The following CCSER1 variants were observed in gnomAD, a reference collection of about 807,000 sequenced individuals.
The protein encoded by CCSER1 is serine-rich coiled-coil domain-containing protein 1.
In CCSER1, 41 loss-of-function variants were observed where a neutral mutation model predicts 82.0. The ratio of observed to expected loss-of-function variants is 0.50; its 90% CI spans 0.39 to 0.65. The LOEUF is 0.65. Among genes scored for constraint, CCSER1 ranks in the 30% least tolerant of loss-of-function variants. The probability of loss-of-function intolerance (pLI) is 0.00; values close to 1 mark genes in which losing one functional copy is unlikely to be tolerated. For synonymous variants in CCSER1, 414 were observed against 383.9 expected (o/e 1.08, Z -0.92); for missense variants, 1,119 against 1,064.2 (o/e 1.05, Z -0.72).
chr4:90,459,749 T>A (rs1000732847), intron 4 of CCSER1, among the ~76,000 whole-genome samples: 2 of 152,228 alleles, frequency 1.3e-5, no homozygotes, highest in Non-Finnish European at 2.9e-5. Context: ...TAAATGACAC[T>A]TTATTCATAA....
At chr4:91,220,391 T>C (rs990557378) in intron 10 of CCSER1, among the ~76,000 whole-genome samples, 3 of 152,228 alleles carry the variant, frequency 2.0e-5, no homozygotes, top group Non-Finnish European at 2.9e-5. Flanking sequence ...AACAATCATA[T>C]AGTTAATGGA....
chr4:91,187,938 T>C (rs1051407624), intron 10 of CCSER1, among the ~76,000 whole-genome samples: 1 of 152,024 alleles, frequency 6.6e-6, no homozygotes, highest in Non-Finnish European at 1.5e-5. Flanking sequence ...ATGTTTTGAA[T>C]CATGAGAAGT....
intron 5 of CCSER1, among the ~76,000 whole-genome samples, chr4:90,627,668 G>T (rs1022843192): frequency 6.6e-6 from 1 of 151,990 alleles, no homozygotes; most frequent in African/African-American, 2.4e-5. Flanking sequence ...CTACTGGAAT[G>T]TGTGAAAATT....
intron 4 of CCSER1, among the ~76,000 whole-genome samples, chr4:90,437,373 T>C (rs1759181290): frequency 6.6e-6 from 1 of 152,186 alleles, no homozygotes; most frequent in Non-Finnish European, 1.5e-5. Flanking sequence ...GATACATGTT[T>C]TTATCTTTTG....
chr4:90,935,188 C>T (rs1730777490), intron 9 of CCSER1, among the ~76,000 whole-genome samples: 1 of 151,770 alleles, frequency 6.6e-6, no homozygotes, highest in South Asian at 2.1e-4. Context: ...AATTTGATTC[C>T]CAATTGGAGA....
At chr4:91,178,467 A>T (rs1334839424) in intron 10 of CCSER1, among the ~76,000 whole-genome samples, 2 of 152,062 alleles carry the variant, frequency 1.3e-5, no homozygotes, top group African/African-American at 2.4e-5. Flanking sequence ...GTCACTAAGG[A>T]CTTGCTTTAT....
intron 10 of CCSER1, among the ~76,000 whole-genome samples, chr4:91,475,627 A>T (rs893076405): frequency 6.6e-6 from 1 of 151,862 alleles, no homozygotes; most frequent in African/African-American, 2.4e-5. Flanking sequence ...GGAGTCTACT[A>T]CCTCAAACAT....
intron 10 of CCSER1, among the ~76,000 whole-genome samples, chr4:91,506,437 T>G (rs1759491348): frequency 6.6e-6 from 1 of 152,136 alleles, no homozygotes; most frequent in African/African-American, 2.4e-5. Flanking sequence ...TGGGCTATTT[T>G]TTGGTTCCAT....
At chr4:91,138,796 C>G (rs1435201206) in intron 10 of CCSER1, among the ~76,000 whole-genome samples, 1 of 150,852 alleles carries the variant, frequency 6.6e-6, no homozygotes, top group African/African-American at 2.4e-5. Context: ...AGACACTTCT[C>G]AAAAGAAGAC....
intron 1 of CCSER1, among the ~76,000 whole-genome samples, chr4:90,248,753 A>T (rs1560875045): frequency 6.6e-6 from 1 of 150,388 alleles, no homozygotes; most frequent in Non-Finnish European, 1.5e-5. Flanking sequence ...GCTGGAGTGC[A>T]GTGGTGTGAT....
chr4:91,270,402 T>A (rs1560556535), intron 10 of CCSER1, among the ~76,000 whole-genome samples: 1 of 152,188 alleles, frequency 6.6e-6, no homozygotes, highest in Non-Finnish European at 1.5e-5. Flanking sequence ...TAGTAACCAC[T>A]TCCAGAGGAG....
intron 10 of CCSER1, among the ~76,000 whole-genome samples, chr4:91,133,905 C>T (rs1728224336): frequency 6.6e-6 from 1 of 152,092 alleles, no homozygotes; most frequent in African/African-American, 2.4e-5. Flanking sequence ...TCAAGACCAG[C>T]CTGACCAACA....
chr4:90,466,494 A>G (rs770823787), intron 4 of CCSER1, among the ~76,000 whole-genome samples: 1 of 152,216 alleles, frequency 6.6e-6, no homozygotes, highest in Non-Finnish European at 1.5e-5. Flanking sequence ...ACACAGAGAC[A>G]TTAGATAAGA....
intron 10 of CCSER1, among the ~76,000 whole-genome samples, chr4:91,581,453 G>T (rs970034922): frequency 6.6e-6 from 1 of 151,622 alleles, no homozygotes; most frequent in South Asian, 2.1e-4. Context: ...AAGAAAGAGT[G>T]CTTCTTAACA....
chr4:91,267,357 A>T (rs1237007916), intron 10 of CCSER1, among the ~76,000 whole-genome samples: 4 of 152,130 alleles, frequency 2.6e-5, no homozygotes, highest in Non-Finnish European at 5.9e-5. Flanking sequence ...ATTTATCATA[A>T]TTGGCATATC....
intron 10 of CCSER1, among the ~76,000 whole-genome samples, chr4:91,557,327 G>A (rs1252094764): frequency 1.3e-5 from 2 of 151,292 alleles, no homozygotes; most frequent in Non-Finnish European, 3.0e-5. Context: ...TTGACTTAAA[G>A]TTATAAGATA....
At chr4:90,632,195 A>G (rs1299636785) in intron 6 of CCSER1, among the ~76,000 whole-genome samples, 1 of 152,034 alleles carries the variant, frequency 6.6e-6, no homozygotes, top group Admixed American at 6.6e-5. Flanking sequence ...CACATGTTTA[A>G]TATTATTTTG....
intron 10 of CCSER1, among the ~76,000 whole-genome samples, chr4:91,207,672 A>G (rs1736457720): frequency 6.6e-6 from 1 of 151,940 alleles, no homozygotes; most frequent in Non-Finnish European, 1.5e-5. Flanking sequence ...GCTACTGTGA[A>G]TAGTGCTGCG....
chr4:91,143,414 A>T (rs1729227840), intron 10 of CCSER1, among the ~76,000 whole-genome samples: 1 of 152,108 alleles, frequency 6.6e-6, no homozygotes, highest in African/African-American at 2.4e-5. Flanking sequence ...GTATAAGATT[A>T]TGTCATCAGT....
Sources: gnomAD v4.1 joint callset for allele counts (sites outside exome capture counted in the v4.1 genomes callset) on GRCh38, gnomAD v4.1.1 for gene constraint, MANE v1.5 for transcripts, NCBI Gene and HGNC (gene_info 2026-07-23, HGNC 2026-07-21) for gene names.